Variants in PANK2 observed in about 807,000 individuals in gnomAD.
PANK2 encodes pantothenate kinase 2, mitochondrial.
A neutral mutation model predicts 43.1 loss-of-function variants in PANK2; 36 were observed. The ratio of observed to expected loss-of-function variants is 0.84; its 90% confidence interval spans 0.64 to 1.10. The LOEUF (loss-of-function observed/expected upper bound fraction) is 1.10. Ranked by LOEUF, PANK2 falls within the 50% of genes least tolerant of loss-of-function variation. PANK2 has a pLI of 0.00. For missense variants in PANK2, 576 were observed against 593.3 expected (o/e 0.97, Z 0.30); for synonymous variants, 281 against 238.2 (o/e 1.18, Z -1.66).
chr20:3,928,437 C>T lies in PANK2; in HGVS notation c.*5143C>T, dbSNP rs1311762693. On this transcript the variant is annotated 3_prime_UTR_variant, in exon 7 of 7. Coordinates refer to ENST00000610179, the MANE Select transcript of PANK2 (RefSeq NM_001386393.1). ...TGGAGGAAGCAGCTCTAACTTTCAT[C>T]AGCGGGGACAAAAATGAACTTAAAC... 6.6e-6 allele frequency: 1 copy of T among 152,176 alleles called. No homozygotes were observed. Among genetic ancestry groups the T allele is most frequent in the African/African-American group, 2.4e-5 (1 of 41,424 alleles). The allele number at this position is 152,176 out of a possible 1,614,324, so 9.4% of individuals were successfully genotyped here.
intron 1 of PANK2, among the ~76,000 whole-genome samples, chr20:3,891,779 C>T (rs1485695797): frequency 6.6e-6 from 1 of 152,090 alleles, no homozygotes; most frequent in Non-Finnish European, 1.5e-5. Context: ...TCAGAAAAAC[C>T]GGTTTACACT....
At chr20:3,888,981 AGG>A, upstream of PANK2, 1 of 772,974 alleles carries the variant, frequency 1.3e-6, no homozygotes, top group East Asian at 2.7e-5. Flanking sequence ...GGGCTGGAGG[AGG>A]GCTCGAGCTG....
Position 3,923,458 on chromosome 20 carries a change from C to G in PANK2, c.*164C>G, listed in dbSNP as rs2090678216. The G allele has an allele frequency of 2.6e-6, 2 of 755,990 alleles. No homozygotes were observed. The highest frequency in any genetic ancestry group is 5.5e-5 in the Admixed American group (2 of 36,070). 46.8% of individuals were successfully genotyped at this position (755,990 alleles called of 1,614,324 possible). ...CAAGATAAATCCTTAAGAATTCAGTCTAAATTAGCAACCAGGAAGGAAAAA... is the reference window on the plus strand; with the variant it reads ...CAAGATAAATCCTTAAGAATTCAGTGTAAATTAGCAACCAGGAAGGAAAAA... On this transcript the variant is annotated 3_prime_UTR_variant, in exon 7 of 7. Coordinates refer to ENST00000610179, the MANE Select transcript of PANK2 (RefSeq NM_001386393.1).
At chr20:3,893,865 A>T (rs544258803) in intron 1 of PANK2, among the ~76,000 whole-genome samples, 5 of 149,594 alleles carry the variant, frequency 3.3e-5, no homozygotes, top group African/African-American at 1.2e-4. Flanking sequence ...GAAAAATGTT[A>T]GATTGCTATA....
intron 1 of PANK2, among the ~76,000 whole-genome samples, chr20:3,893,017 C>T (rs981348321): frequency 2.0e-5 from 3 of 152,112 alleles, no homozygotes; most frequent in South Asian, 2.1e-4. Context: ...GAAACCAAGA[C>T]GCTAATGATG....
At chr20:3,919,670 G>A (rs2090618186) in intron 6 of PANK2, among the ~76,000 whole-genome samples, 1 of 152,192 alleles carries the variant, frequency 6.6e-6, no homozygotes, top group South Asian at 2.1e-4. Flanking sequence ...AAGAAGCAGA[G>A]GTATGGAAAG....
intron 1 of PANK2, among the ~76,000 whole-genome samples, chr20:3,905,779 T>C (rs2090376539): frequency 6.8e-6 from 1 of 147,964 alleles, no homozygotes. Flanking sequence ...GCAGTAGTGC[T>C]GTCTTGGCTC....
chr20:3,913,841 T>G (rs1427022108), intron 4 of PANK2, among the ~76,000 whole-genome samples: 1 of 148,820 alleles, frequency 6.7e-6, no homozygotes, highest in Non-Finnish European at 1.5e-5. Flanking sequence ...CAGGCTGGAG[T>G]GCAGTGGCGT....
rs2090690802 is a variant in PANK2 at position 3,924,369 on chromosome 20, C to A, written c.*1075C>A. On this transcript the variant is annotated 3_prime_UTR_variant, in exon 7 of 7. Coordinates refer to ENST00000610179, the MANE Select transcript of PANK2 (RefSeq NM_001386393.1). ...AGCAGCCTTGGACCAGGAGGGAAAA[C>A]CCCAAGGCTCTGCAGCCTCCCTGCT... is the stretch of plus-strand genomic sequence containing the variant. 1 of 152,262 alleles carries A rather than the reference C, an allele frequency of 6.6e-6. No homozygotes were observed. The highest frequency in any genetic ancestry group is 2.1e-4 in the South Asian group (1 of 4,836). The allele number at this position is 152,262 out of a possible 1,614,324, so 9.4% of individuals were successfully genotyped here. A position where few individuals can be genotyped will look rare whatever the true frequency, so the allele number is the denominator to read the frequency against.
At chr20:3,889,255 G>C, upstream of PANK2, 1 of 1,612,870 alleles carries the variant, frequency 6.2e-7, no homozygotes, top group Non-Finnish European at 8.5e-7. Context: ...TCATTGGACG[G>C]AGGCACGGTC....
In PANK2 at chr20:3,910,665, G is replaced by T; in HGVS notation, c.740G>T (p.Arg247Leu). 2 of 1,614,102 alleles carry T rather than the reference G, an allele frequency of 1.2e-6. No individual in the cohort carries two copies. Among genetic ancestry groups the T allele is most frequent in the Middle Eastern group, 1.6e-4 (1 of 6,062 alleles). ...ATTGACTCAGTCGGATTCAATGGAC[G>T]GTCACAGTGCTATTACTTTGAAAAC... Residue 247 changes from arginine to leucine, a missense_variant, in exon 3 of 7, where the codon CGG (arginine) becomes CTG (leucine). Physicochemically the swap from Arg to Leu is moderately radical, Grantham distance 102. This residue lies in a region of PANK2 where 544 missense variants were observed against 528.9 expected (regional missense o/e 1.03). Transcript: ENST00000610179.
chr20:3,894,473 C>T (rs2090173367), intron 1 of PANK2, among the ~76,000 whole-genome samples: 1 of 152,034 alleles, frequency 6.6e-6, no homozygotes, highest in South Asian at 2.1e-4. Context: ...CTCTGGACCT[C>T]CGGTGATCTG....
At chr20:3,922,800 C>T (rs1423029541) in intron 6 of PANK2, among the ~76,000 whole-genome samples, 2 of 152,194 alleles carry the variant, frequency 1.3e-5, no homozygotes, top group African/African-American at 4.8e-5. Flanking sequence ...CGGGCTCTCA[C>T]CCTCTGTGAC....
intron 1 of PANK2, 154 bp downstream of exon 1, chr20:3,889,882 G>C: frequency 6.5e-7 from 1 of 1,532,644 alleles, no homozygotes. Context: ...CCGGCTGGAG[G>C]CCTCGGGTGC....
intron 6 of PANK2, chr20:3,921,431 C>T (rs2090645573): frequency 6.6e-6 from 1 of 152,150 alleles, no homozygotes; most frequent in African/African-American, 2.4e-5. Context: ...TAGTTTATAA[C>T]CACCTGTTTC....
Position 3,912,511 on chromosome 20 carries a change from C to G in PANK2, c.959C>G (p.Thr320Ser), listed in dbSNP as rs758456228. The G allele has an allele frequency of 2.5e-6, 4 of 1,613,998 alleles. No homozygotes were observed. In the African/African-American group the frequency reaches 5.3e-5, roughly 22 times the overall value. The change falls in exon 4 of 7, where the codon ACT becomes AGT. Residue 320 changes from threonine to serine, a missense_variant. Thr to Ser is a moderately conservative substitution (Grantham distance 58). Around this residue, in one of 2 missense-constraint regions of PANK2, gnomAD observed 544 missense variants for 528.9 expected, o/e 1.03. Transcript: ENST00000610179. The stretch of plus-strand genomic sequence containing the variant: ...TGCTGTCTTCTTACTGGCTGTACCA[C>G]TTTTGAAGAAGCTCTTGAAATGGCA...
At chr20:3,903,204 G>A in intron 1 of PANK2, among the ~76,000 whole-genome samples, 1 of 151,238 alleles carries the variant, frequency 6.6e-6, no homozygotes, top group East Asian at 1.9e-4. Context: ...GAGTACAGTG[G>A]TGCAATCTTG....
intron 1 of PANK2, among the ~76,000 whole-genome samples, chr20:3,894,532 A>T (rs540432517): frequency 3.3e-5 from 5 of 151,852 alleles, no homozygotes; most frequent in African/African-American, 1.2e-4. Flanking sequence ...GAGCCACCGC[A>T]CCTGGCCTGA....
chr20:3,899,310 T>TA lies in PANK2; in HGVS notation c.299-8615dup, dbSNP rs565586839. 1.7e-3 allele frequency among the ~76,000 whole-genome samples: 254 copies of TA among 151,662 alleles called. 1 individual carries two copies. The highest frequency in any genetic ancestry group is 5.8e-3 in the African/African-American group (239 of 41,432). On this transcript the variant is annotated intron_variant, in intron 1 of 6. Transcript: ENST00000610179. ...CCTCAGGCTCCCAAGTAGCTGGGAT[T>TA]ACAGGCATGTGCCACCATGCCCGGC... is the stretch of plus-strand genomic sequence containing the variant.
Sources: gnomAD v4.1 joint callset for allele counts (sites outside exome capture counted in the v4.1 genomes callset) on GRCh38, gnomAD v4.1.1 for gene constraint, gnomAD v4.1.1 regional missense constraint, MANE v1.5 for transcripts, NCBI Gene and HGNC (gene_info 2026-07-23, HGNC 2026-07-21) for gene names.